RABGAP1L: variants seen among roughly 807,000 people sequenced by gnomAD.
RABGAP1L encodes RAB GTPase activating protein 1 like, also known as rab GTPase-activating protein 1-like.
RABGAP1L carries 63 observed loss-of-function variants against 137.7 expected under a neutral mutation model. That is an observed-to-expected ratio of 0.46 (90% CI 0.37 to 0.56). The LOEUF (loss-of-function observed/expected upper bound fraction) is 0.56. Ranked by LOEUF, RABGAP1L falls within the 20% of genes least tolerant of loss-of-function variation. RABGAP1L has a pLI of 0.00. For missense variants in RABGAP1L, 1,095 were observed against 1,244.0 expected (o/e 0.88, Z 1.80); for synonymous variants, 431 against 433.7 (o/e 0.99, Z 0.08).
At chr1:174,584,012 A>G (rs770480430) in intron 13 of RABGAP1L, among the ~76,000 whole-genome samples, 20 of 152,118 alleles carry the variant, frequency 1.3e-4, no homozygotes, top group Non-Finnish European at 2.5e-4. Context: ...TCACTTCCAT[A>G]AGCTTTCTGA....
intron 14 of RABGAP1L, among the ~76,000 whole-genome samples, chr1:174,649,568 C>T (rs989883541): frequency 9.9e-5 from 15 of 152,168 alleles, no homozygotes; most frequent in East Asian, 7.7e-4. Flanking sequence ...CAGAGAGATC[C>T]GCTGTTAGTC....
At chr1:174,346,311 G>A (rs1205842535) in intron 11 of RABGAP1L, among the ~76,000 whole-genome samples, 1 of 152,126 alleles carries the variant, frequency 6.6e-6, no homozygotes, top group Admixed American at 6.5e-5. Flanking sequence ...GTTCCAATGG[G>A]ATTGATATTA....
intron 18 of RABGAP1L, among the ~76,000 whole-genome samples, chr1:174,811,268 G>C (rs1689847033): frequency 6.6e-6 from 1 of 152,158 alleles, no homozygotes; most frequent in Admixed American, 6.5e-5. Flanking sequence ...TCAGTAGTTA[G>C]GTGGTTTGTT....
At chr1:174,835,803 G>A (rs1231257778) in intron 19 of RABGAP1L, among the ~76,000 whole-genome samples, 3 of 152,110 alleles carry the variant, frequency 2.0e-5, no homozygotes, top group Non-Finnish European at 4.4e-5. Context: ...CTGGGCCAAG[G>A]AATGGGAATA....
chr1:174,837,570 C>T (rs1692900073), intron 19 of RABGAP1L, among the ~76,000 whole-genome samples: 2 of 152,188 alleles, frequency 1.3e-5, no homozygotes, highest in African/African-American at 4.8e-5. Flanking sequence ...TGGAGAATTG[C>T]CTCCTCTTCA....
At chr1:174,433,690 T>C (rs1652909349) in intron 13 of RABGAP1L, among the ~76,000 whole-genome samples, 1 of 152,216 alleles carries the variant, frequency 6.6e-6, no homozygotes, top group African/African-American at 2.4e-5. Flanking sequence ...ATGTGCAGGC[T>C]GGATATACTT....
chr1:174,788,923 A>C (rs545579557), intron 18 of RABGAP1L, among the ~76,000 whole-genome samples: 1 of 152,280 alleles, frequency 6.6e-6, no homozygotes, highest in East Asian at 1.9e-4. Context: ...CATGTTGCCT[A>C]GGCTGTTCTC....
intron 19 of RABGAP1L, among the ~76,000 whole-genome samples, chr1:174,933,526 A>C (rs1664217104): frequency 6.6e-6 from 1 of 152,154 alleles, no homozygotes; most frequent in Non-Finnish European, 1.5e-5. Flanking sequence ...CCTTAAAGGG[A>C]GGAAACTAGA....
chr1:174,195,574 A>ATTCTTTCTTTCTTTCTTTCTTTCT lies in RABGAP1L; in HGVS notation c.-33-23529_-33-23506dup, dbSNP rs201213056. Among the ~76,000 whole-genome samples the ATTCTTTCTTTCTTTCTTTCTTTCT allele has an allele frequency of 4.4e-4, 33 of 74,542 alleles. 1 individual carries two copies. The highest frequency in any genetic ancestry group is 8.2e-4 in the Admixed American group (6 of 7,326). 48.9% of individuals were successfully genotyped at this position (74,542 alleles called of 152,430 possible). On this transcript the variant is annotated intron_variant, in intron 1 of 25. Coordinates refer to ENST00000681986, the MANE Select transcript of RABGAP1L (RefSeq NM_001366446.1). ...TAACTTTGGGTAGGGTTCTTAATCA[A>ATTCTTTCTTTCTTTCTTTCTTTCT]TTCTTTCTTTCTTTCTTTCTTTCTT...
intron 23 of RABGAP1L, among the ~76,000 whole-genome samples, chr1:174,982,033 A>G (rs887278694): frequency 1.3e-5 from 2 of 152,210 alleles, no homozygotes; most frequent in Non-Finnish European, 2.9e-5. Flanking sequence ...ATTTAACTCC[A>G]GCAGCTAAGT....
At chr1:174,851,465 G>A (rs1229841679) in intron 19 of RABGAP1L, among the ~76,000 whole-genome samples, 1 of 35,720 alleles carries the variant, frequency 2.8e-5, no homozygotes, top group Non-Finnish European at 1.2e-4. Flanking sequence ...GTCTTTAGAA[G>A]CAATTTTTTA....
intron 1 of RABGAP1L, among the ~76,000 whole-genome samples, chr1:174,208,734 T>C (rs1397925648): frequency 6.6e-6 from 1 of 152,224 alleles, no homozygotes; most frequent in Non-Finnish European, 1.5e-5. Context: ...TTTCTTGTTA[T>C]CTGGTTTTGG....
At position 174,370,859 on chromosome 1, in the gene RABGAP1L, GTAA is replaced by G. The variant is rs536544537; in HGVS notation, c.1466-114_1466-112del. The G allele has an allele frequency of 5.0e-4, 216 of 434,886 alleles. No individual in the cohort carries two copies. The East Asian group carries it at 7.4e-3, about 15-fold the overall frequency. 26.9% of individuals were successfully genotyped at this position (434,886 alleles called of 1,614,324 possible). A position where few individuals can be genotyped will look rare whatever the true frequency, so the allele number is the denominator to read the frequency against. ...TCTTACTGTTATTTTTGCAATGCAT[GTAA>G]TAATATGAAGAGAAGCTGGTTTTAT... is the stretch of plus-strand genomic sequence containing the variant. On this transcript the variant is annotated intron_variant, in intron 11 of 25. Transcript: ENST00000681986.
chr1:174,521,283 C>T (rs888615173), intron 13 of RABGAP1L, among the ~76,000 whole-genome samples: 4 of 152,250 alleles, frequency 2.6e-5, no homozygotes, highest in African/African-American at 9.6e-5. Flanking sequence ...CATTTTAAAT[C>T]ATGGTAAAAT....
chr1:174,834,904 G>T (rs1248590203), intron 19 of RABGAP1L, among the ~76,000 whole-genome samples: 1 of 152,124 alleles, frequency 6.6e-6, no homozygotes, highest in African/African-American at 2.4e-5. Context: ...CCAGATTCAT[G>T]CAGGTCCTTG....
chr1:174,890,299 C>G (rs1399326909), intron 19 of RABGAP1L, among the ~76,000 whole-genome samples: 2 of 152,118 alleles, frequency 1.3e-5, no homozygotes, highest in Non-Finnish European at 2.9e-5. Flanking sequence ...ACACCTTGCA[C>G]CCTGTGAACT....
chr1:174,926,313 T>A lies in RABGAP1L; in HGVS notation c.2341-31144T>A, dbSNP rs547194709. 1.2e-4 allele frequency among the ~76,000 whole-genome samples: 19 copies of A among 152,346 alleles called. No individual in the cohort carries two copies. The South Asian group carries it at 3.7e-3, about 30-fold the overall frequency. On this transcript the variant is annotated intron_variant, in intron 19 of 25. Transcript: ENST00000681986. ...TTTGATCACTTTGTCAAGGCTCATA[T>A]TTTAAAAATCCTTTGAGATATTGAA...
intron 3 of RABGAP1L, among the ~76,000 whole-genome samples, chr1:174,229,527 T>C (rs2148500049): frequency 6.6e-6 from 1 of 152,188 alleles, no homozygotes; most frequent in Middle Eastern, 3.4e-3. Context: ...TTTGGGAATT[T>C]CGGTGTTTAA....
intron 13 of RABGAP1L, among the ~76,000 whole-genome samples, chr1:174,440,394 T>C (rs901884112): frequency 8.5e-5 from 13 of 152,206 alleles, no homozygotes; most frequent in African/African-American, 2.9e-4. Flanking sequence ...TGGAAGCCAC[T>C]ACAGGTGTCT....
Sources: gnomAD v4.1 joint callset for allele counts (sites outside exome capture counted in the v4.1 genomes callset) on GRCh38, gnomAD v4.1.1 for gene constraint, MANE v1.5 for transcripts, NCBI Gene and HGNC (gene_info 2026-07-23, HGNC 2026-07-21) for gene names.